Variants in GNB4 observed in about 807,000 individuals in gnomAD.
GNB4 encodes the protein guanine nucleotide-binding protein subunit beta-4.
In GNB4, 28 loss-of-function variants were observed where a neutral mutation model predicts 45.2. The ratio of observed to expected loss-of-function variants is 0.62; its 90% CI spans 0.46 to 0.85. GNB4 has a LOEUF of 0.85. GNB4 is among the 40% of genes least tolerant of loss of function. GNB4 has a pLI of 0.00. For synonymous variants in GNB4, 132 were observed against 143.7 expected, an observed-to-expected ratio of 0.92 and a Z score of 0.58; for missense variants, 321 against 425.4, an observed-to-expected ratio of 0.75 and a Z score of 2.16.
At chr3:179,498,877 A>T in the GNB4 span, among the ~76,000 whole-genome samples, 1 of 150,878 alleles carries the variant, frequency 6.6e-6, no homozygotes, top group African/African-American at 2.4e-5. Context: ...TCAACCCGTC[A>T]TCTATATTAG....
At chr3:179,478,603 G>T in the GNB4 span, among the ~76,000 whole-genome samples, 1 of 152,068 alleles carries the variant, frequency 6.6e-6, no homozygotes, top group African/African-American at 2.4e-5. Flanking sequence ...GAGTGCAGTG[G>T]CATTATCATG....
chr3:179,494,019 T>C, the GNB4 span, among the ~76,000 whole-genome samples: 3 of 152,166 alleles, frequency 2.0e-5, no homozygotes, highest in Admixed American at 6.6e-5. Context: ...TAGTACAAGT[T>C]GTTGGACTTC....
At chr3:179,523,171 C>T in the GNB4 span, among the ~76,000 whole-genome samples, 4 of 151,954 alleles carry the variant, frequency 2.6e-5, no homozygotes, top group Admixed American at 6.6e-5. Context: ...GGAGATTAGC[C>T]GGACACTATC....
the GNB4 span, among the ~76,000 whole-genome samples, chr3:179,507,977 C>G: frequency 6.6e-6 from 1 of 152,098 alleles, no homozygotes; most frequent in Admixed American, 6.6e-5. Flanking sequence ...ATGGAGAAGT[C>G]TAAGTTGACC....
chr3:179,472,616 A>C, the GNB4 span, among the ~76,000 whole-genome samples: 244 of 152,214 alleles, frequency 1.6e-3, 1 homozygote, highest in African/African-American at 5.3e-3. Context: ...TGCCTGCACC[A>C]GCCTCCCAAA....
the GNB4 span, among the ~76,000 whole-genome samples, chr3:179,456,884 C>A: frequency 6.6e-6 from 1 of 152,168 alleles, no homozygotes; most frequent in Non-Finnish European, 1.5e-5. Flanking sequence ...TATTGCTGCG[C>A]AGCATTCCAT....
chr3:179,481,635 G>C, the GNB4 span, among the ~76,000 whole-genome samples: 132,321 of 152,234 alleles, frequency 0.87, 57,852 homozygotes, highest in East Asian at 1. Context: ...CCACTGTGCT[G>C]AGCCCCAAAC....
At chr3:179,424,729 C>T (rs1715093923) in intron 2 of GNB4, among the ~76,000 whole-genome samples, 2 of 152,120 alleles carry the variant, frequency 1.3e-5, no homozygotes, top group Non-Finnish European at 2.9e-5. Flanking sequence ...CTCAGCCTCC[C>T]GAGTAGCTGG....
the GNB4 span, among the ~76,000 whole-genome samples, chr3:179,492,214 A>T: frequency 6.6e-6 from 1 of 152,196 alleles, no homozygotes; most frequent in Admixed American, 6.5e-5. Context: ...AGACACCTGT[A>T]GCCTTCACCA....
rs1366083359 is a variant in GNB4, at chr3:179,413,627, C to A, written c.498-14G>T. 1.2e-6 allele frequency: 2 copies of A among 1,613,678 alleles called. No individual in the cohort carries two copies. The highest frequency in any genetic ancestry group is 1.7e-5 in the Admixed American group (1 of 59,986). Reference sequence around the variant, plus strand: ...TCCCATAAAGCACTGTAATTAAAAACAAAATTTCATGACAATTACTTCTTC... The same window carrying A: ...TCCCATAAAGCACTGTAATTAAAAAAAAAATTTCATGACAATTACTTCTTC... On this transcript the variant is annotated splice_polypyrimidine_tract_variant and intron_variant, in intron 7 of 9. Transcript: ENST00000232564.
the GNB4 span, among the ~76,000 whole-genome samples, chr3:179,481,607 T>C: frequency 1.3e-5 from 2 of 152,246 alleles, no homozygotes; most frequent in South Asian, 2.1e-4. Context: ...CCCAAAGTGC[T>C]AGCATTATAG....
chr3:179,489,282 A>C, the GNB4 span, among the ~76,000 whole-genome samples: 1 of 151,866 alleles, frequency 6.6e-6, no homozygotes, highest in African/African-American at 2.4e-5. Flanking sequence ...AATGAAACAC[A>C]TACTGGTTTC....
At chr3:179,483,755 T>C in the GNB4 span, among the ~76,000 whole-genome samples, 1 of 152,214 alleles carries the variant, frequency 6.6e-6, no homozygotes, top group African/African-American at 2.4e-5. Flanking sequence ...TTTTACTCTC[T>C]GTAGATTATT....
chr3:179,490,116 C>T, the GNB4 span, among the ~76,000 whole-genome samples: 1 of 152,128 alleles, frequency 6.6e-6, no homozygotes, highest in Admixed American at 6.6e-5. Flanking sequence ...AAAACCTAGA[C>T]AGAATGCGTG....
intron 6 of GNB4, 30 bp downstream of exon 6, chr3:179,414,855 T>A (rs764668699): frequency 5.2e-6 from 8 of 1,529,006 alleles, no homozygotes; most frequent in Non-Finnish European, 7.1e-6. Flanking sequence ...AGGAATCGTG[T>A]GGTGGGAAAG....
chr3:179,523,215 T>C, the GNB4 span, among the ~76,000 whole-genome samples: 2 of 151,968 alleles, frequency 1.3e-5, no homozygotes, highest in African/African-American at 4.8e-5. Flanking sequence ...CATGAAGAAT[T>C]ATACCGAGAT....
chr3:179,452,109 T>C (rs1002907510), upstream of GNB4, among the ~76,000 whole-genome samples: 12 of 152,180 alleles, frequency 7.9e-5, no homozygotes, highest in African/African-American at 2.9e-4. Flanking sequence ...TGGCCAATAC[T>C]TGGAAGTTAT....
the GNB4 span, among the ~76,000 whole-genome samples, chr3:179,508,537 G>C: frequency 6.6e-6 from 1 of 152,198 alleles, no homozygotes; most frequent in Non-Finnish European, 1.5e-5. Context: ...AATGCAGATG[G>C]AAGTTATTCT....
At chr3:179,526,982 A>G in the GNB4 span, among the ~76,000 whole-genome samples, 3 of 152,364 alleles carry the variant, frequency 2.0e-5, no homozygotes, top group East Asian at 5.8e-4. Flanking sequence ...CAGAGAGAAC[A>G]TTCTGTGAAC....
Sources: gnomAD v4.1 joint callset for allele counts (sites outside exome capture counted in the v4.1 genomes callset) on GRCh38, gnomAD v4.1.1 for gene constraint, MANE v1.5 for transcripts, NCBI Gene and HGNC (gene_info 2026-07-23, HGNC 2026-07-21) for gene names.